Variants in RNF114 observed in about 807,000 individuals in gnomAD.
The protein encoded by RNF114 is ring finger protein 114, also known as E3 ubiquitin-protein ligase RNF114.
Under a neutral mutation model 28.4 loss-of-function variants are expected in RNF114, and 6 were observed. That is an observed-to-expected ratio of 0.21 (90% CI 0.12 to 0.42). The LOEUF (loss-of-function observed/expected upper bound fraction) is 0.42, where lower values mean the gene tolerates loss of function less well. Ranked by LOEUF, RNF114 falls within the 10% of genes least tolerant of loss-of-function variation. RNF114 has a pLI of 1.00. For missense variants in RNF114, 249 were observed against 311.7 expected, an observed-to-expected ratio of 0.80 and a Z score of 1.51; for synonymous variants, 115 against 116.7, an observed-to-expected ratio of 0.99 and a Z score of 0.09.
At chr20:49,946,096 C>A in intron 3 of RNF114, 40 bp from the exon 4 acceptor site, 1 of 1,147,404 alleles carries the variant, frequency 8.7e-7, no homozygotes, top group South Asian at 1.3e-5. Context: ...GAAAGGTACT[C>A]ACAGAAAAGT....
Position 49,953,550 on chromosome 20 carries a change from A to G in RNF114, c.*1409A>G, listed in dbSNP as rs980136786. 1.3e-5 allele frequency: 2 copies of G among 152,164 alleles called. No individual in the cohort carries two copies. The highest frequency in any genetic ancestry group is 4.8e-5 in the African/African-American group (2 of 41,450). The allele number at this position is 152,164 out of a possible 1,614,324, so 9.4% of individuals were successfully genotyped here. ...TGCAGATGCCGAGAAGCCAGCAAAC[A>G]CAGGGCCCACTGGAAAAAAATAGTT... On this transcript the variant is annotated 3_prime_UTR_variant, in exon 6 of 6. Transcript: ENST00000244061.
chr20:49,949,030 A>G (rs2146859546), intron 4 of RNF114, among the ~76,000 whole-genome samples: 1 of 151,040 alleles, frequency 6.6e-6, no homozygotes, highest in Middle Eastern at 3.4e-3. Context: ...AAAGGGTGGT[A>G]TCATGATTTG....
intron 2 of RNF114, 28 bp downstream of exon 2, chr20:49,941,739 A>G (rs767658174): frequency 4.4e-6 from 7 of 1,600,214 alleles, no homozygotes; most frequent in Admixed American, 3.5e-5. Context: ...GGAAGAGTCC[A>G]TGTCTTTCCA....
chr20:49,944,884 C>CA (rs759990118), intron 2 of RNF114: 2,809 of 84,460 alleles, frequency 0.033, 28 homozygotes, highest in Middle Eastern at 0.075. Flanking sequence ...GACTCTGTCT[C>CA]AAAAAAAAAA....
At chr20:49,936,870 C>T (rs537448230) in intron 1 of RNF114, among the ~76,000 whole-genome samples, 1 of 152,328 alleles carries the variant, frequency 6.6e-6, no homozygotes, top group African/African-American at 2.4e-5. Flanking sequence ...GGACTTTAGG[C>T]TCCGAAGTCC....
chr20:49,945,761 G>T (rs981724824), intron 3 of RNF114, among the ~76,000 whole-genome samples: 1 of 152,168 alleles, frequency 6.6e-6, no homozygotes, highest in Non-Finnish European at 1.5e-5. Flanking sequence ...TGCCTCCCGG[G>T]TTCAAGCGAT....
chr20:49,947,648 A>G (rs1185016361), intron 4 of RNF114, among the ~76,000 whole-genome samples: 1 of 151,896 alleles, frequency 6.6e-6, no homozygotes, highest in African/African-American at 2.4e-5. Context: ...CTGGTATGGC[A>G]GCCTAATTTT....
chr20:49,941,395 T>C (rs1277000883), intron 1 of RNF114, among the ~76,000 whole-genome samples, 166 bp from the exon 2 acceptor site: 1 of 152,214 alleles, frequency 6.6e-6, no homozygotes, highest in African/African-American at 2.4e-5. Flanking sequence ...AGTCCACTCC[T>C]ATCCCTCATT....
In RNF114 at chr20:49,942,713, G is replaced by C. The variant is rs140278152; in HGVS notation, c.291+1002G>C. Among the ~76,000 whole-genome samples, 318 of 152,120 alleles carry C rather than the reference G, an allele frequency of 2.1e-3. 1 individual carries two copies. The highest frequency in any genetic ancestry group is 0.011 in the South Asian group (52 of 4,812). On this transcript the variant is annotated intron_variant, in intron 2 of 5. Coordinates refer to ENST00000244061, the MANE Select transcript of RNF114 (RefSeq NM_018683.4). ...GTGGTGTGTGCCCGTAGTCTCAACT[G>C]TTCGGGAGGCTGAGGTGAGAGGATG...
intron 3 of RNF114, 63 bp downstream of exon 3, chr20:49,945,551 ATG>A: frequency 6.1e-6 from 6 of 977,876 alleles, no homozygotes; most frequent in Admixed American, 1.8e-5. Flanking sequence ...AAGAGGTTGC[ATG>A]CCCAGGGGTT....
intron 2 of RNF114, among the ~76,000 whole-genome samples, chr20:49,942,307 A>G (rs940232068): frequency 3.3e-5 from 5 of 152,172 alleles, no homozygotes; most frequent in African/African-American, 1.2e-4. Context: ...AATAGCTAAC[A>G]TTTGAAATGC....
At chr20:49,949,867 A>T (rs1373894993) in intron 5 of RNF114, among the ~76,000 whole-genome samples, 1 of 151,048 alleles carries the variant, frequency 6.6e-6, no homozygotes, top group Non-Finnish European at 1.5e-5. Flanking sequence ...CTGGTCTCGA[A>T]CTCCTGACCT....
At chr20:49,948,302 G>A (rs978336249) in intron 4 of RNF114, among the ~76,000 whole-genome samples, 2 of 152,070 alleles carry the variant, frequency 1.3e-5, no homozygotes, top group African/African-American at 2.4e-5. Context: ...TTAAGTGGGG[G>A]CACTTAGGTC....
intron 1 of RNF114, chr20:49,941,356 A>G (rs2090307060): frequency 2.0e-6 from 1 of 506,842 alleles, no homozygotes; most frequent in Non-Finnish European, 3.4e-6. Context: ...AGGAGTTTGC[A>G]TTTGTTTCTG....
chr20:49,945,552 T>C (rs199800847), intron 3 of RNF114, 64 bp downstream of exon 3: 1 of 218,850 alleles, frequency 4.6e-6, no homozygotes, highest in East Asian at 7.8e-5. Flanking sequence ...AGAGGTTGCA[T>C]GCCCAGGGGT....
In RNF114 at chr20:49,953,694, A is replaced by G. The variant is rs568098274; in HGVS notation, c.*1553A>G. Reference sequence around the variant, plus strand: ...AGATCATCTCAGAAGTCTGGAGGGAAATCTGGCGAAACCTTCGTTTGAGGG... The same window carrying G: ...AGATCATCTCAGAAGTCTGGAGGGAGATCTGGCGAAACCTTCGTTTGAGGG... On this transcript the variant is annotated 3_prime_UTR_variant, in exon 6 of 6. Coordinates refer to ENST00000244061, the MANE Select transcript of RNF114 (RefSeq NM_018683.4). 6.6e-6 allele frequency: 1 copy of G among 152,322 alleles called. No individual in the cohort carries two copies. Among genetic ancestry groups the G allele is most frequent in the South Asian group, 2.1e-4 (1 of 4,818 alleles). 9.4% of individuals were successfully genotyped at this position (152,322 alleles called of 1,614,324 possible).
At chr20:49,943,472 A>G (rs73273177) in intron 2 of RNF114, among the ~76,000 whole-genome samples, 1,671 of 152,082 alleles carry the variant, frequency 0.011, 40 homozygotes, top group African/African-American at 0.038. Context: ...CCCAGTTTCT[A>G]CAAAAAAAGG....
In RNF114 at chr20:49,952,130, A is replaced by G. The variant is rs1200626560; in HGVS notation, c.676A>G (p.Ile226Val). ...GAATCAGGTGTTGCAGCGCTCCATC[A>G]TCGACCAGTGAGCAGAGTCCGTGCT... ...MMNQVLQRSI[I>V]DQ The change falls in exon 6 of 6, where the codon ATC becomes GTC. Residue 226 changes from isoleucine to valine, a missense_variant. Coordinates refer to ENST00000244061, the MANE Select transcript of RNF114 (RefSeq NM_018683.4). The G allele has an allele frequency of 6.2e-7, 1 of 1,613,902 alleles. No homozygotes were observed. Among genetic ancestry groups the G allele is most frequent in the Admixed American group, 1.7e-5 (1 of 60,006 alleles).
intron 1 of RNF114, among the ~76,000 whole-genome samples, chr20:49,937,451 G>T (rs1056775998): frequency 1.3e-5 from 2 of 152,136 alleles, no homozygotes; most frequent in Admixed American, 1.3e-4. Context: ...TGCACTCCAT[G>T]GGCATTATTC....
Sources: gnomAD v4.1 joint callset for allele counts (sites outside exome capture counted in the v4.1 genomes callset) on GRCh38, gnomAD v4.1.1 for gene constraint, MANE v1.5 for transcripts, NCBI Gene and HGNC (gene_info 2026-07-23, HGNC 2026-07-21) for gene names.